Variants in DNAJC15 observed in about 807,000 individuals in gnomAD.
DNAJC15 encodes DnaJ heat shock protein family (Hsp40) member C15, also known as dnaJ homolog subfamily C member 15.
DNAJC15 carries 27 observed loss-of-function variants against 22.4 expected under a neutral mutation model. The observed-to-expected ratio is 1.20, with a 90% confidence interval of 0.89 to 1.66. The LOEUF (loss-of-function observed/expected upper bound fraction) is 1.66, where lower values mean the gene tolerates loss of function less well. Ranked by LOEUF, DNAJC15 falls within the 40% of genes most tolerant of loss-of-function variation. DNAJC15 has a pLI of 0.00. For missense variants in DNAJC15, 208 were observed against 187.1 expected, an observed-to-expected ratio of 1.11 and a Z score of -0.65; for synonymous variants, 79 against 63.2, an observed-to-expected ratio of 1.25 and a Z score of -1.19.
At chr13:43,104,276 G>A (rs966445347) in intron 5 of DNAJC15, among the ~76,000 whole-genome samples, 3 of 152,068 alleles carry the variant, frequency 2.0e-5, no homozygotes, top group Non-Finnish European at 4.4e-5. Flanking sequence ...GTCTTTTCTA[G>A]AGTTTCATAT....
intron 4 of DNAJC15, among the ~76,000 whole-genome samples, chr13:43,083,261 G>A (rs1050915025): frequency 1.3e-4 from 20 of 151,858 alleles, no homozygotes; most frequent in Non-Finnish European, 2.9e-4. Flanking sequence ...TCCGCCTCCT[G>A]GGTTCATGCC....
intron 5 of DNAJC15, among the ~76,000 whole-genome samples, chr13:43,097,793 C>A (rs150761872): frequency 6.6e-6 from 1 of 151,968 alleles, no homozygotes; most frequent in African/African-American, 2.4e-5. Flanking sequence ...CAAAATTAGC[C>A]GGGCGTGGTG....
chr13:43,047,496 A>G (rs1024034249), intron 1 of DNAJC15, among the ~76,000 whole-genome samples: 1 of 152,112 alleles, frequency 6.6e-6, no homozygotes, highest in African/African-American at 2.4e-5. Context: ...ATGAGAATGA[A>G]AAAAGGACCA....
At chr13:43,042,297 T>A (rs1566202103) in intron 1 of DNAJC15, among the ~76,000 whole-genome samples, 1 of 152,162 alleles carries the variant, frequency 6.6e-6, no homozygotes. Context: ...TAATAAAACT[T>A]ATGTGAGTAT....
chr13:43,070,246 C>T (rs1342834322), intron 3 of DNAJC15, among the ~76,000 whole-genome samples: 1 of 152,052 alleles, frequency 6.6e-6, no homozygotes, highest in Non-Finnish European at 1.5e-5. Context: ...ATTTTACAGT[C>T]CTATAAATGC....
intron 1 of DNAJC15, among the ~76,000 whole-genome samples, chr13:43,041,398 G>A (rs977748708): frequency 6.6e-6 from 1 of 152,224 alleles, no homozygotes; most frequent in Non-Finnish European, 1.5e-5. Flanking sequence ...CAGATTAACA[G>A]CATCTCAAGG....
chr13:43,086,703 A>G (rs2040690498), intron 5 of DNAJC15, among the ~76,000 whole-genome samples: 2 of 152,234 alleles, frequency 1.3e-5, no homozygotes, highest in South Asian at 4.1e-4. Flanking sequence ...AAACATGAGA[A>G]TAAACTTTCA....
intron 1 of DNAJC15, among the ~76,000 whole-genome samples, chr13:43,063,960 A>G (rs147321628): frequency 2.0e-5 from 3 of 152,336 alleles, no homozygotes; most frequent in Non-Finnish European, 4.4e-5. Flanking sequence ...TCAGCAGAAC[A>G]TTTGCTTTAA....
chr13:43,048,349 G>A (rs988789136), intron 1 of DNAJC15, among the ~76,000 whole-genome samples: 3 of 142,702 alleles, frequency 2.1e-5, no homozygotes, highest in East Asian at 2.0e-4. Context: ...AAAATTACCC[G>A]GGTATGGTGG....
Position 43,110,664 on chromosome 13 carries a change from T to C in DNAJC15, c.*3416T>C, listed in dbSNP as rs1050855308. 6.6e-6 allele frequency: 1 copy of C among 152,234 alleles called. No homozygotes were observed. Among genetic ancestry groups the C allele is most frequent in the African/African-American group, 2.4e-5 (1 of 41,450 alleles). The allele number at this position is 152,234 out of a possible 1,614,324, so 9.4% of individuals were successfully genotyped here. ...ATACCTACATAGTAGAAGGTTAAAA[T>C]GTATCCCTCTTTTTCTGGTGCATCC... On this transcript the variant is annotated 3_prime_UTR_variant, in exon 6 of 6. Transcript: ENST00000379221.
intron 4 of DNAJC15, among the ~76,000 whole-genome samples, chr13:43,081,404 T>C (rs2040660592): frequency 6.6e-6 from 1 of 152,130 alleles, no homozygotes; most frequent in African/African-American, 2.4e-5. Context: ...TAAGAACCTA[T>C]CAACAGTATT....
Position 43,110,618 on chromosome 13 carries a change from A to G in DNAJC15, c.*3370A>G, listed in dbSNP as rs1566220981. 6.6e-6 allele frequency: 1 copy of G among 152,094 alleles called. No homozygotes were observed. Among genetic ancestry groups the G allele is most frequent in the South Asian group, 2.1e-4 (1 of 4,814 alleles). The allele number at this position is 152,094 out of a possible 1,614,324, so 9.4% of individuals were successfully genotyped here. On this transcript the variant is annotated 3_prime_UTR_variant, in exon 6 of 6. Coordinates refer to ENST00000379221, the MANE Select transcript of DNAJC15 (RefSeq NM_013238.3). ...CCCTTGTACCTAAAGATGCCATCCT[A>G]ATCCCCAGATCTCCACAACTATACC... is the stretch of plus-strand genomic sequence containing the variant.
intron 3 of DNAJC15, among the ~76,000 whole-genome samples, chr13:43,075,016 A>G (rs914586749): frequency 6.6e-6 from 1 of 152,210 alleles, no homozygotes; most frequent in East Asian, 1.9e-4. Flanking sequence ...AGATTTTAGT[A>G]TGAGTGGTCC....
At chr13:43,024,336 C>CTT (rs2040368498) in intron 1 of DNAJC15, among the ~76,000 whole-genome samples, 1 of 93,908 alleles carries the variant, frequency 1.1e-5, no homozygotes. Context: ...CGTATTTTTA[C>CTT]GTTTTTTTTT....
intron 5 of DNAJC15, among the ~76,000 whole-genome samples, chr13:43,088,376 C>T (rs921054050): frequency 3.3e-5 from 5 of 152,232 alleles, no homozygotes; most frequent in African/African-American, 1.2e-4. Context: ...TGCTCTGTCC[C>T]GGGGAAAATG....
In DNAJC15 at chr13:43,023,702, C is replaced by T; in HGVS notation, c.76C>T (p.Arg26Trp). 8.7e-6 allele frequency: 14 copies of T among 1,612,114 alleles called. No individual in the cohort carries two copies. Among genetic ancestry groups the T allele is most frequent in the Non-Finnish European group, 1.2e-5 (14 of 1,179,312 alleles). The change falls in exon 1 of 6, where the codon CGG becomes TGG. Residue 26 changes from arginine (R) to tryptophan (W), a missense_variant. Physicochemically the swap from Arg to Trp is moderately radical, Grantham distance 101. Transcript: ENST00000379221. Reference protein sequence around the residue: ...YAEYLQPSAKRPDADVDQQRL... With the variant: ...YAEYLQPSAKWPDADVDQQRL... Reference sequence around the variant, plus strand: ...TGAGTACTTGCAGCCCTCGGCCAAACGGCCAGACGCCGACGTCGACCAGCA... The same window carrying T: ...TGAGTACTTGCAGCCCTCGGCCAAATGGCCAGACGCCGACGTCGACCAGCA...
At chr13:43,086,542 T>G (rs1018919518) in intron 5 of DNAJC15, among the ~76,000 whole-genome samples, 13 of 152,164 alleles carry the variant, frequency 8.5e-5, no homozygotes, top group African/African-American at 2.7e-4. Context: ...TCAAAAAAAT[T>G]AAAAACAAAT....
In DNAJC15 at chr13:43,109,630, C is replaced by G. The variant is rs1361899607; in HGVS notation, c.*2382C>G. On this transcript the variant is annotated 3_prime_UTR_variant, in exon 6 of 6. Coordinates refer to ENST00000379221, the MANE Select transcript of DNAJC15 (RefSeq NM_013238.3). ...GAATACTATCTTCCTGTTATGTGATCTTGGGCAGTTACTTAATTTTCTAGT... is the reference window on the plus strand; with the variant it reads ...GAATACTATCTTCCTGTTATGTGATGTTGGGCAGTTACTTAATTTTCTAGT... The G allele has an allele frequency of 6.6e-6, 1 of 151,970 alleles. No homozygotes were observed. Among genetic ancestry groups the G allele is most frequent in the Non-Finnish European group, 1.5e-5 (1 of 68,018 alleles). The allele number at this position is 151,970 out of a possible 1,614,324, so 9.4% of individuals were successfully genotyped here.
chr13:43,041,757 CTGTT>C (rs1213566617), intron 1 of DNAJC15, among the ~76,000 whole-genome samples: 1 of 152,254 alleles, frequency 6.6e-6, no homozygotes, highest in Non-Finnish European at 1.5e-5. Flanking sequence ...GGCCAGCTGT[CTGTT>C]TTACTGTCTC....
Sources: allele counts gnomAD v4.1 joint callset (sites outside exome capture counted in the v4.1 genomes callset), GRCh38; gene constraint gnomAD v4.1.1; transcripts MANE v1.5; gene names NCBI Gene and HGNC (gene_info 2026-07-23, HGNC 2026-07-21).